Variants in PTPRT observed in about 807,000 individuals in gnomAD.
PTPRT encodes the protein protein tyrosine phosphatase receptor type T, also known as receptor-type tyrosine-protein phosphatase T.
PTPRT carries 56 observed loss-of-function variants against 176.8 expected under a neutral mutation model. The observed-to-expected ratio is 0.32, with a 90% CI of 0.26 to 0.40. PTPRT has a LOEUF of 0.40. Among genes scored for constraint, PTPRT ranks in the 10% least tolerant of loss-of-function variants. PTPRT has a pLI of 1.00. For synonymous variants in PTPRT, 783 were observed against 739.0 expected (o/e 1.06, Z -0.96); for missense variants, 1,540 against 1,908.2 (o/e 0.81, Z 3.60).
At chr20:42,723,002 TG>T (rs1860652831) in intron 6 of PTPRT, among the ~76,000 whole-genome samples, 1 of 152,226 alleles carries the variant, frequency 6.6e-6, no homozygotes, top group African/African-American at 2.4e-5. Flanking sequence ...CTTCTGATAC[TG>T]AATGAGTGAC....
intron 9 of PTPRT, among the ~76,000 whole-genome samples, chr20:42,387,122 T>C (rs1235611930): frequency 6.6e-6 from 1 of 152,214 alleles, no homozygotes; most frequent in Non-Finnish European, 1.5e-5. Flanking sequence ...GATCTGACTT[T>C]ATACCAAGCC....
chr20:42,418,057 G>A (rs562644797), intron 9 of PTPRT, among the ~76,000 whole-genome samples: 11 of 152,136 alleles, frequency 7.2e-5, no homozygotes, highest in South Asian at 2.1e-4. Flanking sequence ...CCCTCATTAC[G>A]CAAATAAGGA....
intron 26 of PTPRT, among the ~76,000 whole-genome samples, chr20:42,099,501 C>T (rs374479536): frequency 2.3e-3 from 290 of 127,902 alleles, no homozygotes; most frequent in African/African-American, 8.4e-3. Flanking sequence ...AATTCAGTCC[C>T]GTGTTGCAGA....
chr20:42,211,444 T>A (rs1311029364), intron 15 of PTPRT, among the ~76,000 whole-genome samples: 8 of 150,434 alleles, frequency 5.3e-5, no homozygotes, highest in African/African-American at 1.9e-4. Context: ...TCAAACAAAT[T>A]TACAAGAAAA....
At chr20:43,163,347 G>C (rs1417795949) in intron 1 of PTPRT, among the ~76,000 whole-genome samples, 1 of 152,122 alleles carries the variant, frequency 6.6e-6, no homozygotes, top group Non-Finnish European at 1.5e-5. Flanking sequence ...GGGAAGTAAA[G>C]AACAGGCTGG....
chr20:42,036,997 G>A, the PTPRT span, among the ~76,000 whole-genome samples: 1 of 152,192 alleles, frequency 6.6e-6, no homozygotes, highest in Admixed American at 6.5e-5. Context: ...GTGATAGCAT[G>A]CCAGAGCTGA....
At chr20:42,226,860 C>A (rs1024978783) in intron 15 of PTPRT, among the ~76,000 whole-genome samples, 4 of 152,076 alleles carry the variant, frequency 2.6e-5, no homozygotes, top group Non-Finnish European at 2.9e-5. Context: ...GTGAAGATCT[C>A]TGTGGCTCTC....
chr20:42,832,615 G>T (rs1044415905), intron 2 of PTPRT, among the ~76,000 whole-genome samples: 2 of 149,574 alleles, frequency 1.3e-5, no homozygotes, highest in Non-Finnish European at 3.0e-5. Context: ...ATAACTATCA[G>T]ATGTTAAAAC....
chr20:42,818,930 A>G (rs2145647048), intron 2 of PTPRT, among the ~76,000 whole-genome samples: 1 of 152,342 alleles, frequency 6.6e-6, no homozygotes, highest in East Asian at 1.9e-4. Flanking sequence ...AATTGACTGA[A>G]GTAGCAGAAA....
At chr20:42,363,931 A>G (rs2058477951) in intron 9 of PTPRT, among the ~76,000 whole-genome samples, 2 of 152,084 alleles carry the variant, frequency 1.3e-5, no homozygotes, top group South Asian at 4.2e-4. Flanking sequence ...GAGACCAAAA[A>G]CTTTTGCTGG....
intron 15 of PTPRT, among the ~76,000 whole-genome samples, chr20:42,202,924 A>C (rs900665873): frequency 5.3e-5 from 8 of 152,152 alleles, no homozygotes; most frequent in African/African-American, 1.9e-4. Context: ...ACTTTATAGA[A>C]ATGTTTGGGT....
intron 15 of PTPRT, among the ~76,000 whole-genome samples, chr20:42,212,665 A>G (rs184238692): frequency 6.6e-6 from 1 of 152,262 alleles, no homozygotes; most frequent in African/African-American, 2.4e-5. Context: ...CACGGATTAG[A>G]GTAGTACTTC....
chr20:42,952,176 C>T (rs1180898229), intron 1 of PTPRT, among the ~76,000 whole-genome samples: 1 of 152,184 alleles, frequency 6.6e-6, no homozygotes, highest in Non-Finnish European at 1.5e-5. Context: ...GTGCCACAAG[C>T]CTGCTCCACA....
At chr20:42,956,122 A>G (rs1981617445) in intron 1 of PTPRT, among the ~76,000 whole-genome samples, 1 of 152,198 alleles carries the variant, frequency 6.6e-6, no homozygotes, top group Non-Finnish European at 1.5e-5. Flanking sequence ...TCCTCCATGC[A>G]GTCGTTGGAA....
chr20:43,147,397 T>C (rs778795660), intron 1 of PTPRT, among the ~76,000 whole-genome samples: 1 of 152,146 alleles, frequency 6.6e-6, no homozygotes, highest in Non-Finnish European at 1.5e-5. Flanking sequence ...CCAACCATCA[T>C]CATCATCATC....
chr20:42,141,042 C>T (rs1413010895), intron 18 of PTPRT, among the ~76,000 whole-genome samples: 3 of 152,180 alleles, frequency 2.0e-5, no homozygotes, highest in Non-Finnish European at 2.9e-5. Context: ...TACTCTGCAC[C>T]GCTGACTTCA....
At chr20:42,519,893 T>G (rs1458919749) in intron 7 of PTPRT, among the ~76,000 whole-genome samples, 1 of 152,190 alleles carries the variant, frequency 6.6e-6, no homozygotes, top group Non-Finnish European at 1.5e-5. Context: ...TTCCTCCTAG[T>G]ATAATCAAGT....
intron 1 of PTPRT, among the ~76,000 whole-genome samples, chr20:43,159,556 C>A (rs916011857): frequency 2.0e-5 from 3 of 152,188 alleles, no homozygotes; most frequent in African/African-American, 7.2e-5. Context: ...TTTCAATTTC[C>A]TTTCTCCCTT....
chr20:42,708,151 T>C (rs2076089369), intron 6 of PTPRT, among the ~76,000 whole-genome samples: 1 of 152,232 alleles, frequency 6.6e-6, no homozygotes, highest in Non-Finnish European at 1.5e-5. Context: ...TGATGGTATC[T>C]ATGCCAAATA....
Sources: gnomAD v4.1 joint callset for allele counts (sites outside exome capture counted in the v4.1 genomes callset) on GRCh38, gnomAD v4.1.1 for gene constraint, MANE v1.5 for transcripts, NCBI Gene and HGNC (gene_info 2026-07-23, HGNC 2026-07-21) for gene names.